The following PCDHGA4 variants were observed in gnomAD, a reference collection of about 807,000 sequenced individuals.
PCDHGA4 encodes protocadherin gamma-A4.
In PCDHGA4, 38 loss-of-function variants were observed where a neutral mutation model predicts 54.6. The observed-to-expected ratio is 0.70, with a 90% CI of 0.54 to 0.91. The LOEUF is 0.91. Ranked by LOEUF, PCDHGA4 falls within the 40% of genes least tolerant of loss-of-function variation. The pLI, the probability that PCDHGA4 is intolerant of heterozygous loss-of-function variation, is 0.00. For missense variants in PCDHGA4, 1,298 were observed against 1,220.9 expected, an observed-to-expected ratio of 1.06 and a Z score of -0.94; for synonymous variants, 511 against 512.9, an observed-to-expected ratio of 1.00 and a Z score of 0.05.
intron 1 of PCDHGA4, chr5:141,433,160 A>G: frequency 1.9e-6 from 3 of 1,613,848 alleles, no homozygotes; most frequent in Middle Eastern, 1.7e-4. Context: ...GGTATTTTCT[A>G]AAGACAGTCA....
chr5:141,426,311 G>C (rs895147447), intron 1 of PCDHGA4: 7 of 173,614 alleles, frequency 4.0e-5, no homozygotes, highest in Middle Eastern at 2.9e-3. Context: ...AAGCAGAGAA[G>C]CAGGACCCGG....
Position 141,376,056 on chromosome 5 carries a change from T to C in PCDHGA4, c.2514+18435T>C, listed in dbSNP as rs768295127. 1.1e-5 allele frequency: 18 copies of C among 1,613,354 alleles called. No individual in the cohort carries two copies. In the South Asian group the frequency reaches 1.9e-4, roughly 17 times the overall value. ...GGCCAGCCCCCTCTCTCCGCCACTG[T>C]CACGCTCACCGTGGCCGTGGCCGAC... On this transcript the variant is annotated intron_variant, in intron 1 of 3. Coordinates refer to ENST00000571252, the MANE Select transcript of PCDHGA4 (RefSeq NM_018917.4).
At chr5:141,363,192 A>T (rs1762836120) in intron 1 of PCDHGA4, among the ~76,000 whole-genome samples, 1 of 152,264 alleles carries the variant, frequency 6.6e-6, no homozygotes, top group Non-Finnish European at 1.5e-5. Context: ...ATTGCTCTTA[A>T]GAAAAACTAC....
At chr5:141,403,701 A>C in intron 1 of PCDHGA4, 2 of 1,613,934 alleles carry the variant, frequency 1.2e-6, no homozygotes, top group South Asian at 2.2e-5. Flanking sequence ...TACCGAGTTA[A>C]AGTCCTTGAG....
intron 1 of PCDHGA4, chr5:141,366,250 G>A (rs1476743784): frequency 6.2e-7 from 1 of 1,613,746 alleles, no homozygotes; most frequent in Non-Finnish European, 8.5e-7. Flanking sequence ...CGCTCAAGCA[G>A]AGCCTCGTGG....
intron 1 of PCDHGA4, chr5:141,398,414 G>A (rs373274513): frequency 1.2e-4 from 186 of 1,488,072 alleles, no homozygotes; most frequent in Non-Finnish European, 1.6e-4. Context: ...GAGGAGATAT[G>A]CGGGAAGAAG....
chr5:141,418,413 A>T, intron 1 of PCDHGA4: 1 of 1,614,048 alleles, frequency 6.2e-7, no homozygotes, highest in Non-Finnish European at 8.5e-7. Flanking sequence ...GAGAAAGACA[A>T]TCCTGATGGT....
At chr5:141,442,689 G>A (rs966261716) in intron 1 of PCDHGA4, among the ~76,000 whole-genome samples, 1 of 152,238 alleles carries the variant, frequency 6.6e-6, no homozygotes, top group South Asian at 2.1e-4. Context: ...CAGTAGTCAG[G>A]CAGACAAGAG....
chr5:141,360,161 G>A, intron 1 of PCDHGA4: 1 of 1,606,974 alleles, frequency 6.2e-7, no homozygotes, highest in Non-Finnish European at 8.5e-7. Flanking sequence ...GGGAGGTGCG[G>A]GCTGGTGCGG....
rs1029080327 is a variant in PCDHGA4 at position 141,512,737 on chromosome 5, G to C, written c.*1564G>C. 6.5e-5 allele frequency: 10 copies of C among 152,868 alleles called. No individual in the cohort carries two copies. The highest frequency in any genetic ancestry group is 2.4e-4 in the African/African-American group (10 of 41,472). 9.5% of individuals were successfully genotyped at this position (152,868 alleles called of 1,614,324 possible). On this transcript the variant is annotated 3_prime_UTR_variant, in exon 4 of 4. Transcript: ENST00000571252. Reference sequence around the variant, plus strand: ...ATGGCGGGTGGGCAGCGGGCGGCGGGCTCCGCGCAGCCGTCTGTCCTTGAT... The same window carrying C: ...ATGGCGGGTGGGCAGCGGGCGGCGGCCTCCGCGCAGCCGTCTGTCCTTGAT...
chr5:141,422,508 C>T (rs2096653251), intron 1 of PCDHGA4: 1 of 1,613,984 alleles, frequency 6.2e-7, no homozygotes, highest in Non-Finnish European at 8.5e-7. Flanking sequence ...CAGCCACAGA[C>T]CAGGGAAGCC....
chr5:141,456,047 A>G (rs1321504293), intron 1 of PCDHGA4, among the ~76,000 whole-genome samples: 3 of 151,774 alleles, frequency 2.0e-5, no homozygotes, highest in Non-Finnish European at 4.4e-5. Context: ...ACAGGCGCCC[A>G]CCACCACGTC....
At position 141,476,242 on chromosome 5, in the gene PCDHGA4, G is replaced by A. The variant is rs369923405; in HGVS notation, c.2515-18565G>A. The A allele has an allele frequency of 6.2e-6, 10 of 1,614,100 alleles. No individual in the cohort carries two copies. The highest frequency in any genetic ancestry group is 8.5e-6 in the Non-Finnish European group (10 of 1,180,026). The stretch of plus-strand genomic sequence containing the variant: ...ACTATGAGATCCCGGAGGAAAGAGA[G>A]AAGGGTTTCGCTGTGGGCAACGTGG... On this transcript the variant is annotated intron_variant, in intron 1 of 3. Transcript: ENST00000571252. This position sits in a 1 kb window ranked among gnomAD's most constrained non-coding sequence, Gnocchi z 7.6.
At chr5:141,481,465 T>C (rs561789315) in intron 1 of PCDHGA4, among the ~76,000 whole-genome samples, 2 of 152,334 alleles carry the variant, frequency 1.3e-5, no homozygotes, top group South Asian at 2.1e-4. Context: ...CTGAAAACCA[T>C]TGGATTATAC....
At position 141,478,876 on chromosome 5, in the gene PCDHGA4, C is replaced by A. The variant is rs2099482470; in HGVS notation, c.2515-15931C>A. 30 of 1,265,748 alleles carry A rather than the reference C, an allele frequency of 2.4e-5. No individual in the cohort carries two copies. The South Asian group carries it at 4.7e-4, about 20-fold the overall frequency. 78.4% of individuals were successfully genotyped at this position (1,265,748 alleles called of 1,614,324 possible). On this transcript the variant is annotated intron_variant, in intron 1 of 3. Transcript: ENST00000571252. ...CAAGATCTCAGCGATCAGAGTTTAGCTTGGTATCATTTACATTAGGAATAA... is the reference window on the plus strand; with the variant it reads ...CAAGATCTCAGCGATCAGAGTTTAGATTGGTATCATTTACATTAGGAATAA...
chr5:141,432,753 C>G lies in PCDHGA4; in HGVS notation c.2515-62054C>G. ...ACTGTCACGCTCACCGTGGCCGTGGCCGACAGCATCCCCCAAGTCCTGGCG... is the reference window on the plus strand; with the variant it reads ...ACTGTCACGCTCACCGTGGCCGTGGGCGACAGCATCCCCCAAGTCCTGGCG... On this transcript the variant is annotated intron_variant, in intron 1 of 3. Coordinates refer to ENST00000571252, the MANE Select transcript of PCDHGA4 (RefSeq NM_018917.4). The surrounding 1 kb of genome is among the most constrained non-coding windows in gnomAD (Gnocchi z 6.0). 1 of 1,614,138 alleles carries G rather than the reference C, an allele frequency of 6.2e-7. No individual in the cohort carries two copies. The highest frequency in any genetic ancestry group is 8.5e-7 in the Non-Finnish European group (1 of 1,179,996).
chr5:141,360,944 A>T, intron 1 of PCDHGA4: 1 of 1,613,990 alleles, frequency 6.2e-7, no homozygotes, highest in East Asian at 2.2e-5. Flanking sequence ...ACCGACCGGG[A>T]TGAAGGCATA....
chr5:141,359,110 A>G (rs1761121037), intron 1 of PCDHGA4, among the ~76,000 whole-genome samples: 1 of 152,222 alleles, frequency 6.6e-6, no homozygotes, highest in African/African-American at 2.4e-5. Context: ...GTATTCATAG[A>G]AAGTTGTGGT....
At chr5:141,506,669 A>C (rs1293213848) in intron 3 of PCDHGA4, among the ~76,000 whole-genome samples, 1 of 152,198 alleles carries the variant, frequency 6.6e-6, no homozygotes, top group African/African-American at 2.4e-5. Flanking sequence ...GTAAGGGCAC[A>C]ATATATTATT....
Sources: gnomAD v4.1 joint callset for allele counts (sites outside exome capture counted in the v4.1 genomes callset) on GRCh38, gnomAD v4.1.1 for gene constraint, Gnocchi (gnomAD v3.1) non-coding constraint, MANE v1.5 for transcripts, NCBI Gene and HGNC (gene_info 2026-07-23, HGNC 2026-07-21) for gene names.